EIF2B3: variants seen among roughly 807,000 people sequenced by gnomAD.
EIF2B3 encodes translation initiation factor eIF2B subunit gamma.
In EIF2B3, 20 loss-of-function variants were observed where a neutral mutation model predicts 54.1. The observed-to-expected ratio is 0.37, with a 90% CI of 0.26 to 0.54. The LOEUF is 0.54. Among genes scored for constraint, EIF2B3 ranks in the 20% least tolerant of loss-of-function variants. The probability of loss-of-function intolerance (pLI) is 0.86; values close to 1 mark genes in which losing one functional copy is unlikely to be tolerated. For synonymous variants in EIF2B3, 153 were observed against 188.1 expected (o/e 0.81, Z 1.52); for missense variants, 448 against 547.8 (o/e 0.82, Z 1.82).
chr1:44,926,237 A>G (rs1478443718), intron 5 of EIF2B3, among the ~76,000 whole-genome samples: 1 of 152,172 alleles, frequency 6.6e-6, no homozygotes, highest in East Asian at 1.9e-4. Context: ...CAAAAAACTT[A>G]AAACAAAAAC....
intron 10 of EIF2B3, among the ~76,000 whole-genome samples, chr1:44,867,496 C>T (rs778486407): frequency 6.6e-6 from 1 of 152,114 alleles, no homozygotes; most frequent in Non-Finnish European, 1.5e-5. Context: ...CAGCAGCCCA[C>T]CACTGCTGGC....
Position 44,874,703 on chromosome 1 carries a change from T to A in EIF2B3, c.1177A>T (p.Met393Leu). The A allele has an allele frequency of 6.2e-7, 1 of 1,614,150 alleles. No homozygotes were observed. Among genetic ancestry groups the A allele is most frequent in the Non-Finnish European group, 8.5e-7 (1 of 1,180,008 alleles). The change falls in exon 10 of 12, where the codon ATG becomes TTG. Residue 393 changes from methionine to leucine, a missense_variant. Met to Leu is a conservative substitution (Grantham distance 15). Transcript: ENST00000360403. ...DRVTITNCLLMNSVTVEEGSN... is the reference protein window; with the variant it reads ...DRVTITNCLLLNSVTVEEGSN... ...CCTTCCTCCACAGTGACTGAGTTCATGAGAAGGCAATTGGTAATAGTCACT... is the reference window on the plus strand; with the variant it reads ...CCTTCCTCCACAGTGACTGAGTTCAAGAGAAGGCAATTGGTAATAGTCACT...
intron 3 of EIF2B3, among the ~76,000 whole-genome samples, chr1:44,957,011 C>A (rs1157932756): frequency 6.6e-6 from 1 of 152,004 alleles, no homozygotes; most frequent in Non-Finnish European, 1.5e-5. Context: ...GCCTGTAATC[C>A]CAGCATTTTG....
chr1:44,941,635 T>A lies in EIF2B3; in HGVS notation c.325A>T (p.Ile109Leu). The A allele has an allele frequency of 1.2e-6, 2 of 1,614,154 alleles. No homozygotes were observed. The highest frequency in any genetic ancestry group is 1.7e-6 in the Non-Finnish European group (2 of 1,180,024). Residue 109 changes from isoleucine (I) to leucine (L), a missense_variant, in exon 4 of 12, where the codon ATA (isoleucine) becomes TTA (leucine). Physicochemically the swap from Ile to Leu is conservative, Grantham distance 5 (BLOSUM62 2). This residue lies in a region of EIF2B3 where 350 missense variants were observed against 414.2 expected (regional missense o/e 0.85). Coordinates refer to ENST00000360403, the MANE Select transcript of EIF2B3 (RefSeq NM_020365.5). ...ACCTCATGTAAGGCAACGTCTGTTA[T>A]CAGATCACAGCTCAGCACCAGCACA... ...TDVLVLSCDL[I>L]TDVALHEVVD...
rs1644051429 is a variant in EIF2B3, at chr1:44,942,769, A to G, written c.295-1104T>C. 2.6e-5 allele frequency among the ~76,000 whole-genome samples: 4 copies of G among 152,090 alleles called. No homozygotes were observed. The South Asian group carries it at 8.3e-4, about 32-fold the overall frequency. ...AGATTAATTATAATAAAAACTAACA[A>G]TGATAACTAATGTTTACTGAATGCT... On this transcript the variant is annotated intron_variant, in intron 3 of 11. Coordinates refer to ENST00000360403, the MANE Select transcript of EIF2B3 (RefSeq NM_020365.5).
intron 10 of EIF2B3, among the ~76,000 whole-genome samples, chr1:44,862,004 A>C (rs562293040): frequency 2.0e-5 from 3 of 152,308 alleles, no homozygotes; most frequent in East Asian, 1.9e-4. Flanking sequence ...CTTTACTGGG[A>C]GTGTATCTGT....
At chr1:44,909,305 A>T (rs1332817820) in intron 5 of EIF2B3, among the ~76,000 whole-genome samples, 1 of 151,946 alleles carries the variant, frequency 6.6e-6, no homozygotes, top group Admixed American at 6.6e-5. Flanking sequence ...AAACTCACTG[A>T]AGTGTCAGTA....
At chr1:44,867,775 T>TA (rs1654828013) in intron 10 of EIF2B3, among the ~76,000 whole-genome samples, 1 of 151,696 alleles carries the variant, frequency 6.6e-6, no homozygotes, top group Non-Finnish European at 1.5e-5. Context: ...TCCCAGTCAT[T>TA]AGCCTTGTGT....
intron 3 of EIF2B3, chr1:44,958,765 A>T: frequency 6.6e-7 from 1 of 1,511,826 alleles, no homozygotes. Context: ...AATCCATCAG[A>T]GAAATATAAA....
intron 3 of EIF2B3, chr1:44,969,928 T>C (rs1644383731): frequency 6.6e-6 from 1 of 152,196 alleles, no homozygotes; most frequent in Non-Finnish European, 1.5e-5. Flanking sequence ...ATATGAAATC[T>C]AAGAGCATTC....
chr1:44,918,869 A>G (rs959604716), intron 5 of EIF2B3, among the ~76,000 whole-genome samples: 7 of 152,174 alleles, frequency 4.6e-5, no homozygotes, highest in Non-Finnish European at 1.0e-4. Context: ...GGTCAGCTCA[A>G]TAATCAATGC....
At chr1:44,877,221 A>AAAAAAAC (rs1655222793) in intron 8 of EIF2B3, among the ~76,000 whole-genome samples, 1 of 150,366 alleles carries the variant, frequency 6.7e-6, no homozygotes, top group African/African-American at 2.5e-5. Flanking sequence ...AAAAAAAAAA[A>AAAAAAAC]ACACCTTAGG....
At chr1:44,946,243 T>G (rs1309812590) in intron 3 of EIF2B3, among the ~76,000 whole-genome samples, 1 of 152,030 alleles carries the variant, frequency 6.6e-6, no homozygotes, top group Non-Finnish European at 1.5e-5. Flanking sequence ...CAGACGGAGG[T>G]GCTGTTCCAT....
At chr1:44,951,954 ATTTTTTTTTTTT>A (rs1171020644) in intron 3 of EIF2B3, among the ~76,000 whole-genome samples, 1 of 44,672 alleles carries the variant, frequency 2.2e-5, no homozygotes, top group Non-Finnish European at 3.6e-5. Flanking sequence ...TGCCTGGCTA[ATTTTTTTTTTTT>A]TTTTTTTTTT....
In EIF2B3 at chr1:44,882,804, G is replaced by A. The variant is rs547969221; in HGVS notation, c.657-1065C>T. Among the ~76,000 whole-genome samples the A allele has an allele frequency of 9.9e-5, 15 of 151,904 alleles. No homozygotes were observed. The East Asian group carries it at 2.1e-3, about 22-fold the overall frequency. On this transcript the variant is annotated intron_variant, in intron 6 of 11. Coordinates refer to ENST00000360403, the MANE Select transcript of EIF2B3 (RefSeq NM_020365.5). ...TGTTTTTGTATTTTTTGGTAGGGAT[G>A]GGGTTTTGCCATGTTGGCCAAGCTG...
chr1:44,900,681 T>C (rs1389865015), intron 5 of EIF2B3, among the ~76,000 whole-genome samples: 2 of 152,100 alleles, frequency 1.3e-5, no homozygotes, highest in Non-Finnish European at 2.9e-5. Flanking sequence ...TCTTATCACA[T>C]CTCAGGCAAT....
At chr1:44,887,942 T>C (rs1402506915) in intron 6 of EIF2B3, among the ~76,000 whole-genome samples, 1 of 152,192 alleles carries the variant, frequency 6.6e-6, no homozygotes, top group Non-Finnish European at 1.5e-5. Flanking sequence ...AATGACTAAT[T>C]GATTAAAAAA....
At chr1:44,914,798 C>T (rs1643589030) in intron 5 of EIF2B3, among the ~76,000 whole-genome samples, 1 of 152,112 alleles carries the variant, frequency 6.6e-6, no homozygotes, top group Non-Finnish European at 1.5e-5. Context: ...ACGACATTCT[C>T]CTGCCTCAGC....
intron 3 of EIF2B3, among the ~76,000 whole-genome samples, chr1:44,943,368 CTATCTA>C (rs59247483): frequency 0.29 from 41,854 of 144,306 alleles, 7,612 homozygotes; most frequent in African/African-American, 0.52. Context: ...GCAGGAAGAA[CTATCTA>C]TATCTATATC....
Sources: allele counts gnomAD v4.1 joint callset (sites outside exome capture counted in the v4.1 genomes callset), GRCh38; gene constraint gnomAD v4.1.1; regional missense constraint gnomAD v4.1.1; transcripts MANE v1.5; gene names NCBI Gene and HGNC (gene_info 2026-07-23, HGNC 2026-07-21).